RABGAP1L: variants seen among roughly 807,000 people sequenced by gnomAD.
RABGAP1L encodes rab GTPase-activating protein 1-like.
Under a neutral mutation model 137.7 loss-of-function variants are expected in RABGAP1L, and 63 were observed. That is an observed-to-expected ratio of 0.46 (90% CI 0.37 to 0.56). The LOEUF (loss-of-function observed/expected upper bound fraction) is 0.56, where lower values mean the gene tolerates loss of function less well. Among genes scored for constraint, RABGAP1L ranks in the 20% least tolerant of loss-of-function variants. The pLI is 0.00. For synonymous variants in RABGAP1L, 431 were observed against 433.7 expected (o/e 0.99, Z 0.08); for missense variants, 1,095 against 1,244.0 (o/e 0.88, Z 1.80).
intron 23 of RABGAP1L, among the ~76,000 whole-genome samples, chr1:174,981,079 A>G (rs913235685): frequency 6.6e-6 from 1 of 152,182 alleles, no homozygotes; most frequent in African/African-American, 2.4e-5. Flanking sequence ...AGATTATGCC[A>G]TGGGTGGCCA....
At chr1:174,778,265 A>G (rs1686691778) in intron 18 of RABGAP1L, among the ~76,000 whole-genome samples, 1 of 152,216 alleles carries the variant, frequency 6.6e-6, no homozygotes, top group Non-Finnish European at 1.5e-5. Flanking sequence ...ACCACATGTT[A>G]AAAATACTAA....
At chr1:174,787,995 T>C (rs540621578) in intron 18 of RABGAP1L, among the ~76,000 whole-genome samples, 1 of 152,310 alleles carries the variant, frequency 6.6e-6, no homozygotes, top group East Asian at 1.9e-4. Context: ...CTGGTCTCTC[T>C]TTAATTTTAA....
chr1:174,383,662 C>T (rs1025669438), intron 12 of RABGAP1L, among the ~76,000 whole-genome samples: 202 of 148,500 alleles, frequency 1.4e-3, no homozygotes, highest in East Asian at 2.0e-3. Flanking sequence ...GCACGGTGCG[C>T]GCACCCACTG....
intron 13 of RABGAP1L, among the ~76,000 whole-genome samples, chr1:174,495,182 C>A (rs1471436513): frequency 1.3e-5 from 2 of 152,238 alleles, no homozygotes; most frequent in African/African-American, 4.8e-5. Flanking sequence ...CTGCCTCCCT[C>A]TGGAAGATAT....
rs1373640331 is a variant in RABGAP1L at position 174,881,409 on chromosome 1, C to T, written c.2340+69449C>T. 3.4e-5 allele frequency among the ~76,000 whole-genome samples: 5 copies of T among 148,272 alleles called. No individual in the cohort carries two copies. The East Asian group carries it at 9.9e-4, about 29-fold the overall frequency. On this transcript the variant is annotated intron_variant, in intron 19 of 25. Coordinates refer to ENST00000681986, the MANE Select transcript of RABGAP1L (RefSeq NM_001366446.1). Reference sequence around the variant, plus strand: ...TTTTATCAGATTTGAAATTTAAAATCGTCTTTTGGAGGTAATATTTGGGTT... The same window carrying T: ...TTTTATCAGATTTGAAATTTAAAATTGTCTTTTGGAGGTAATATTTGGGTT...
intron 13 of RABGAP1L, among the ~76,000 whole-genome samples, chr1:174,424,128 A>T (rs1026725304): frequency 2.0e-5 from 3 of 152,120 alleles, no homozygotes; most frequent in Non-Finnish European, 4.4e-5. Context: ...ATATGTGTCT[A>T]TGGTTTTTAT....
chr1:174,410,496 T>A (rs1342617601), intron 13 of RABGAP1L, among the ~76,000 whole-genome samples: 2 of 152,176 alleles, frequency 1.3e-5, no homozygotes, highest in Admixed American at 1.3e-4. Context: ...ATTTATTGAA[T>A]AAGGAGCCCT....
chr1:174,760,126 A>G (rs1001461731), intron 18 of RABGAP1L, among the ~76,000 whole-genome samples: 1 of 151,176 alleles, frequency 6.6e-6, no homozygotes, highest in Admixed American at 6.6e-5. Context: ...TTCCCCATAT[A>G]CTCTTGACCA....
At chr1:174,469,472 C>T (rs1480085029) in intron 13 of RABGAP1L, among the ~76,000 whole-genome samples, 1 of 152,144 alleles carries the variant, frequency 6.6e-6, no homozygotes, top group Non-Finnish European at 1.5e-5. Context: ...TCAGCAACTA[C>T]CTTAGTCCTC....
chr1:174,647,480 A>T (rs757151474), intron 14 of RABGAP1L, among the ~76,000 whole-genome samples: 6 of 151,856 alleles, frequency 4.0e-5, no homozygotes, highest in Admixed American at 3.9e-4. Context: ...GGTTTTTGTC[A>T]TTGGTTCTGT....
chr1:174,168,184 G>T (rs1007409467), intron 1 of RABGAP1L, among the ~76,000 whole-genome samples: 1 of 143,906 alleles, frequency 6.9e-6, no homozygotes, highest in African/African-American at 2.6e-5. Context: ...AGAATCCCTT[G>T]AACCTGGGAG....
chr1:174,383,935 C>T (rs990785434), intron 12 of RABGAP1L, among the ~76,000 whole-genome samples: 1 of 152,068 alleles, frequency 6.6e-6, no homozygotes, highest in Non-Finnish European at 1.5e-5. Flanking sequence ...AATTCCAGTC[C>T]CACTGCTGTG....
intron 14 of RABGAP1L, among the ~76,000 whole-genome samples, chr1:174,669,379 A>G (rs1200573610): frequency 6.6e-6 from 1 of 152,318 alleles, no homozygotes; most frequent in East Asian, 1.9e-4. Flanking sequence ...GTGGGGACAC[A>G]GCCAAATCAT....
intron 13 of RABGAP1L, 76 bp downstream of exon 13, chr1:174,394,221 A>G (rs950474305): frequency 3.8e-5 from 58 of 1,520,462 alleles, no homozygotes; most frequent in Non-Finnish European, 4.4e-5. Context: ...AGCTCCCATA[A>G]GTCATAAATG....
At chr1:174,367,454 T>G (rs1447606807) in intron 11 of RABGAP1L, 1 of 211,166 alleles carries the variant, frequency 4.7e-6, no homozygotes, top group Non-Finnish European at 9.5e-6. Context: ...CAACTGGGCC[T>G]GAACCTTCTT....
At chr1:174,982,217 G>C (rs2149387972) in intron 23 of RABGAP1L, among the ~76,000 whole-genome samples, 1 of 152,116 alleles carries the variant, frequency 6.6e-6, no homozygotes, top group East Asian at 1.9e-4. Context: ...ACGTGCCGTG[G>C]TGGTTTGCTG....
intron 14 of RABGAP1L, among the ~76,000 whole-genome samples, chr1:174,674,810 G>T (rs2148457002): frequency 6.6e-6 from 1 of 152,258 alleles, no homozygotes; most frequent in East Asian, 1.9e-4. Flanking sequence ...TCTCATTGTG[G>T]TTTTGATTTG....
At chr1:174,547,798 A>G (rs1387909751) in intron 13 of RABGAP1L, 1 of 1,453,284 alleles carries the variant, frequency 6.9e-7, no homozygotes, top group South Asian at 1.2e-5. Flanking sequence ...TACCTATTAC[A>G]TAGTATTTGA....
At chr1:174,502,243 C>A (rs1297368235) in intron 13 of RABGAP1L, among the ~76,000 whole-genome samples, 1 of 151,570 alleles carries the variant, frequency 6.6e-6, no homozygotes, top group South Asian at 2.1e-4. Context: ...ATATTAGCAA[C>A]CAAATTTATA....
Sources: gnomAD v4.1 joint callset for allele counts (sites outside exome capture counted in the v4.1 genomes callset) on GRCh38, gnomAD v4.1.1 for gene constraint, MANE v1.5 for transcripts, NCBI Gene and HGNC (gene_info 2026-07-23, HGNC 2026-07-21) for gene names.